Variants in FAM135A observed in about 807,000 individuals in gnomAD.
The protein encoded by FAM135A is family with sequence similarity 135 member A, also known as protein FAM135A.
Under a neutral mutation model 146.8 loss-of-function variants are expected in FAM135A, and 79 were observed. The ratio of observed to expected loss-of-function variants is 0.54; its 90% CI spans 0.45 to 0.65. The LOEUF (loss-of-function observed/expected upper bound fraction) is 0.65, where lower values mean the gene tolerates loss of function less well. FAM135A is among the 30% of genes least tolerant of loss of function. The pLI is 0.00. For synonymous variants in FAM135A, 562 were observed against 603.6 expected (o/e 0.93, Z 1.01); for missense variants, 1,623 against 1,758.2 (o/e 0.92, Z 1.38).
At chr6:70,524,215 G>GT (rs1794217785) in intron 14 of FAM135A, 94 bp downstream of exon 14, 4 of 1,402,838 alleles carry the variant, frequency 2.9e-6, no homozygotes, top group Middle Eastern at 2.0e-4. Context: ...ATGTGGAATA[G>GT]TTTTTTTCCC....
At chr6:70,473,877 A>T (rs1007477931) in intron 5 of FAM135A, among the ~76,000 whole-genome samples, 4 of 152,110 alleles carry the variant, frequency 2.6e-5, no homozygotes, top group African/African-American at 9.7e-5. Flanking sequence ...ACCCTGTACC[A>T]GGCTGCTCCT....
At chr6:70,533,661 CT>C in intron 17 of FAM135A, 95 bp from the exon 18 acceptor site, 1 of 732,026 alleles carries the variant, frequency 1.4e-6, no homozygotes, top group South Asian at 1.9e-5. Flanking sequence ...CTTAACCATA[CT>C]TTCAGTACCT....
intron 4 of FAM135A, among the ~76,000 whole-genome samples, chr6:70,433,601 C>T (rs1053524783): frequency 1.3e-5 from 2 of 151,736 alleles, no homozygotes; most frequent in Non-Finnish European, 2.9e-5. Context: ...AGCTTGTCCA[C>T]GCGTTTGTGG....
chr6:70,433,923 AC>A (rs1433808933), intron 4 of FAM135A, among the ~76,000 whole-genome samples: 1 of 152,168 alleles, frequency 6.6e-6, no homozygotes. Context: ...TCAGATACTA[AC>A]AATCTAAAGA....
intron 12 of FAM135A, among the ~76,000 whole-genome samples, chr6:70,510,377 A>T (rs192347086): frequency 6.6e-6 from 1 of 152,190 alleles, no homozygotes; most frequent in Non-Finnish European, 1.5e-5. Context: ...TTGTGTAACC[A>T]TCACCTCTGT....
chr6:70,537,373 C>T (rs1382194581), intron 19 of FAM135A, among the ~76,000 whole-genome samples: 1 of 152,104 alleles, frequency 6.6e-6, no homozygotes, highest in African/African-American at 2.4e-5. Flanking sequence ...AATCTTATTG[C>T]TATTTCCTTT....
At chr6:70,483,089 T>C (rs1784032485) in intron 10 of FAM135A, among the ~76,000 whole-genome samples, 1 of 152,152 alleles carries the variant, frequency 6.6e-6, no homozygotes, top group Non-Finnish European at 1.5e-5. Flanking sequence ...TTGAGACTAA[T>C]CAGACTACTT....
chr6:70,559,138 G>A (rs7755334), intron 21 of FAM135A, among the ~76,000 whole-genome samples: 8,505 of 152,146 alleles, frequency 0.056, 659 homozygotes, highest in African/African-American at 0.18. Context: ...GCATTGCTTT[G>A]AGTTAAAAAT....
intron 12 of FAM135A, among the ~76,000 whole-genome samples, chr6:70,518,457 T>C (rs780004573): frequency 3.3e-5 from 5 of 152,118 alleles, no homozygotes; most frequent in Admixed American, 2.6e-4. Context: ...CTAGCAAAAA[T>C]AATTGATGAA....
chr6:70,555,504 C>T (rs1268956223), intron 20 of FAM135A, among the ~76,000 whole-genome samples: 1 of 152,128 alleles, frequency 6.6e-6, no homozygotes, highest in Non-Finnish European at 1.5e-5. Flanking sequence ...TTTCCCCCCT[C>T]GACCTCCCAA....
intron 5 of FAM135A, among the ~76,000 whole-genome samples, chr6:70,463,513 G>A (rs1470243936): frequency 3.3e-5 from 5 of 151,684 alleles, no homozygotes; most frequent in Admixed American, 3.3e-4. Flanking sequence ...TCTCACCTCT[G>A]CCTCCCAAAG....
chr6:70,449,277 T>C (rs1029549425), intron 4 of FAM135A, among the ~76,000 whole-genome samples: 3 of 152,170 alleles, frequency 2.0e-5, no homozygotes, highest in Non-Finnish European at 2.9e-5. Flanking sequence ...ATCTATTCTT[T>C]TAGGAATTTT....
rs113838242 is a variant in FAM135A at position 70,550,761 on chromosome 6, A to G, written c.4229-5989A>G. Among the ~76,000 whole-genome samples, 643 of 152,336 alleles carry G rather than the reference A, an allele frequency of 4.2e-3. 3 individuals are homozygous for G. Among genetic ancestry groups the G allele is most frequent in the African/African-American group, 0.015 (606 of 41,584 alleles). On this transcript the variant is annotated intron_variant, in intron 20 of 21. Transcript: ENST00000418814. Reference sequence around the variant, plus strand: ...GCCCTTTGAAGCTTTGAAGCCAGGCATTGATTCCTTTCTATCTATGAAGTC... The same window carrying G: ...GCCCTTTGAAGCTTTGAAGCCAGGCGTTGATTCCTTTCTATCTATGAAGTC...
chr6:70,475,328 A>T, intron 5 of FAM135A, 82 bp from the exon 6 acceptor site: 1 of 1,125,468 alleles, frequency 8.9e-7, no homozygotes, highest in Non-Finnish European at 1.2e-6. Context: ...AATCAAACAT[A>T]CAGTATTTTA....
intron 4 of FAM135A, among the ~76,000 whole-genome samples, chr6:70,451,447 A>G (rs976256783): frequency 1.2e-4 from 19 of 152,102 alleles, no homozygotes; most frequent in Admixed American, 1.2e-3. Context: ...CACTGATTCC[A>G]CTTCGATCTT....
intron 20 of FAM135A, among the ~76,000 whole-genome samples, chr6:70,545,841 G>A (rs1020727893): frequency 1.3e-5 from 2 of 152,148 alleles, no homozygotes; most frequent in African/African-American, 4.8e-5. Context: ...CTTGCCTGAG[G>A]TCACTTAGCT....
At chr6:70,495,263 C>A (rs977877165) in intron 11 of FAM135A, among the ~76,000 whole-genome samples, 20 of 152,238 alleles carry the variant, frequency 1.3e-4, no homozygotes, top group South Asian at 2.1e-4. Context: ...TCCATAAATT[C>A]TGTAAACATG....
At chr6:70,436,897 C>A (rs1028031701) in intron 4 of FAM135A, among the ~76,000 whole-genome samples, 2 of 151,914 alleles carry the variant, frequency 1.3e-5, no homozygotes, top group Non-Finnish European at 2.9e-5. Flanking sequence ...AAACTACTAC[C>A]GAAAACCAAA....
chr6:70,436,082 G>T (rs1175338104), intron 4 of FAM135A, among the ~76,000 whole-genome samples: 1 of 151,986 alleles, frequency 6.6e-6, no homozygotes, highest in Non-Finnish European at 1.5e-5. Flanking sequence ...TACTTGGGAG[G>T]CTGAGGCAGG....
Sources: allele counts gnomAD v4.1 joint callset (sites outside exome capture counted in the v4.1 genomes callset), GRCh38; gene constraint gnomAD v4.1.1; transcripts MANE v1.5; gene names NCBI Gene and HGNC (gene_info 2026-07-23, HGNC 2026-07-21).